Variants in RGS8 observed in about 807,000 individuals in gnomAD.
RGS8 encodes regulator of G-protein signaling 8.
In RGS8, 8 loss-of-function variants were observed where a neutral mutation model predicts 21.7. The ratio of observed to expected loss-of-function variants is 0.37; its 90% CI spans 0.22 to 0.66. The LOEUF (loss-of-function observed/expected upper bound fraction) is 0.66, where lower values mean the gene tolerates loss of function less well. Ranked by LOEUF, RGS8 falls within the 30% of genes least tolerant of loss-of-function variation. The pLI, the probability that RGS8 is intolerant of heterozygous loss-of-function variation, is 0.59. For synonymous variants in RGS8, 80 were observed against 83.6 expected, an observed-to-expected ratio of 0.96 and a Z score of 0.24; for missense variants, 157 against 217.9, an observed-to-expected ratio of 0.72 and a Z score of 1.76.
At chr1:182,664,915 CA>C (rs1257555159) in intron 5 of RGS8, among the ~76,000 whole-genome samples, 1 of 152,210 alleles carries the variant, frequency 6.6e-6, no homozygotes, top group Non-Finnish European at 1.5e-5. Flanking sequence ...AAATTGAAAG[CA>C]AAATCACTTC....
intron 1 of RGS8, among the ~76,000 whole-genome samples, chr1:182,681,785 G>A (rs935598568): frequency 6.6e-6 from 1 of 152,256 alleles, no homozygotes; most frequent in African/African-American, 2.4e-5. Flanking sequence ...CGGAGATGCT[G>A]AGCAAATTCC....
Position 182,671,713 on chromosome 1 carries a change from G to A in RGS8, c.-160C>T, listed in dbSNP as rs115960776. ...CTTTGCCAACTGGATGGTCAGAGAG[G>A]CTTCGGGTTAAGGTGTTCTGGGGAA... On this transcript the variant is annotated 5_prime_UTR_variant, in exon 2 of 7. Transcript: ENST00000483095. 3.1e-3 allele frequency: 5,005 copies of A among 1,614,038 alleles called. 143 individuals are homozygous for A. In the African/African-American group the frequency reaches 0.056, roughly 18 times the overall value.
chr1:182,650,644 T>C (rs751009361), intron 5 of RGS8, among the ~76,000 whole-genome samples: 8 of 152,202 alleles, frequency 5.3e-5, no homozygotes, highest in Non-Finnish European at 1.0e-4. Flanking sequence ...ACAGACTGCT[T>C]GAGCCCAGGA....
chr1:182,650,375 T>TA (rs1373659239), intron 5 of RGS8, among the ~76,000 whole-genome samples: 9 of 152,214 alleles, frequency 5.9e-5, no homozygotes, highest in Non-Finnish European at 1.2e-4. Context: ...TTTCTCTGAA[T>TA]AAAAAAGTCA....
At position 182,665,958 on chromosome 1, in the gene RGS8, A is replaced by C. The variant is rs905782352; in HGVS notation, c.193+11T>G. 1.2e-5 allele frequency: 20 copies of C among 1,609,926 alleles called. No individual in the cohort carries two copies. Among genetic ancestry groups the C allele is most frequent in the Non-Finnish European group, 1.6e-5 (19 of 1,176,382 alleles). ...TTTGCCATGTCATGATACGACCTGA[A>C]TTCTACTTACACTTATGAGAGAGAA... On this transcript the variant is annotated intron_variant, in intron 5 of 6. Coordinates refer to ENST00000483095, the Ensembl canonical transcript of RGS8.
At chr1:182,745,170 A>G in the RGS8 span, among the ~76,000 whole-genome samples, 1 of 152,166 alleles carries the variant, frequency 6.6e-6, no homozygotes, top group Non-Finnish European at 1.5e-5. Context: ...AATTGGTCTG[A>G]CCAAAATACA....
At chr1:182,723,146 G>C in the RGS8 span, among the ~76,000 whole-genome samples, 2 of 152,044 alleles carry the variant, frequency 1.3e-5, no homozygotes, top group African/African-American at 2.4e-5. Flanking sequence ...GGTTGGGGGG[G>C]ACATTATTCA....
At chr1:182,726,500 A>G in the RGS8 span, among the ~76,000 whole-genome samples, 1 of 152,132 alleles carries the variant, frequency 6.6e-6, no homozygotes, top group Non-Finnish European at 1.5e-5. Context: ...AAGAAACTCT[A>G]TCTTTACTGA....
the RGS8 span, among the ~76,000 whole-genome samples, chr1:182,724,242 A>C: frequency 8.0e-6 from 1 of 125,134 alleles, no homozygotes; most frequent in African/African-American, 3.1e-5. Flanking sequence ...ATATATATAT[A>C]TATATCCTAT....
At chr1:182,707,716 GT>G in the RGS8 span, among the ~76,000 whole-genome samples, 1 of 152,052 alleles carries the variant, frequency 6.6e-6, no homozygotes. Flanking sequence ...GTTTTGTTTT[GT>G]TTTGTTTTTG....
intron 5 of RGS8, among the ~76,000 whole-genome samples, chr1:182,651,007 AGTAAC>A (rs1324592224): frequency 1.3e-5 from 2 of 152,180 alleles, no homozygotes; most frequent in Non-Finnish European, 2.9e-5. Context: ...AGAAGATGAG[AGTAAC>A]GTAATTTAGA....
chr1:182,646,596 C>T (rs1557880148), exon 7 of RGS8: 2 of 720,608 alleles, frequency 2.8e-6, no homozygotes, highest in South Asian at 3.9e-5. Context: ...TTGGAATGGC[C>T]CTTCATTCCC....
chr1:182,728,762 C>G, the RGS8 span, among the ~76,000 whole-genome samples: 1 of 152,124 alleles, frequency 6.6e-6, no homozygotes, highest in African/African-American at 2.4e-5. Context: ...AGAGAATCAA[C>G]AGATAATAAC....
At chr1:182,750,454 C>CA in the RGS8 span, among the ~76,000 whole-genome samples, 2 of 152,048 alleles carry the variant, frequency 1.3e-5, no homozygotes, top group Admixed American at 6.5e-5. Flanking sequence ...AACCCATTGG[C>CA]AAAAAATACC....
At chr1:182,717,681 G>C in the RGS8 span, among the ~76,000 whole-genome samples, 1 of 152,086 alleles carries the variant, frequency 6.6e-6, no homozygotes, top group East Asian at 1.9e-4. Context: ...GTTTTCTTCA[G>C]GGAAACTAAC....
chr1:182,661,081 G>A (rs1264198060), intron 5 of RGS8, among the ~76,000 whole-genome samples: 1 of 151,348 alleles, frequency 6.6e-6, no homozygotes, highest in African/African-American at 2.4e-5. Context: ...TTTAATGTTT[G>A]TTTATTTGAT....
the RGS8 span, among the ~76,000 whole-genome samples, chr1:182,708,448 G>C: frequency 6.6e-6 from 1 of 152,236 alleles, no homozygotes; most frequent in South Asian, 2.1e-4. Context: ...CCTGTCTACA[G>C]AGGCACACCT....
the RGS8 span, among the ~76,000 whole-genome samples, chr1:182,697,199 A>C: frequency 1.2e-4 from 18 of 152,378 alleles, no homozygotes; most frequent in Non-Finnish European, 4.4e-5. Flanking sequence ...AAAGGCATGG[A>C]TATGGGCAGA....
chr1:182,694,982 C>A, the RGS8 span, among the ~76,000 whole-genome samples: 12 of 152,094 alleles, frequency 7.9e-5, no homozygotes, highest in Non-Finnish European at 1.5e-4. Flanking sequence ...TATGAAGAAA[C>A]ATATACACAC....
Sources: gnomAD v4.1 joint callset for allele counts (sites outside exome capture counted in the v4.1 genomes callset) on GRCh38, gnomAD v4.1.1 for gene constraint, MANE v1.5 for transcripts, NCBI Gene and HGNC (gene_info 2026-07-23, HGNC 2026-07-21) for gene names.